The following MGAT4A variants were observed in gnomAD, a reference collection of about 807,000 sequenced individuals.
MGAT4A encodes N-acetylglucosaminyltransferase IVa.
A neutral mutation model predicts 74.1 loss-of-function variants in MGAT4A; 33 were observed. The observed-to-expected ratio is 0.45, with a 90% CI of 0.34 to 0.60. MGAT4A has a LOEUF of 0.60. Ranked by LOEUF, MGAT4A falls within the 20% of genes least tolerant of loss-of-function variation. MGAT4A has a pLI of 0.02. For synonymous variants in MGAT4A, 198 were observed against 210.4 expected, an observed-to-expected ratio of 0.94 and a Z score of 0.51; for missense variants, 479 against 628.3, an observed-to-expected ratio of 0.76 and a Z score of 2.54.
At chr2:98,710,621 G>T (rs1482395021) in intron 2 of MGAT4A, among the ~76,000 whole-genome samples, 1 of 152,036 alleles carries the variant, frequency 6.6e-6, no homozygotes. Flanking sequence ...CACCATGCCT[G>T]GCTAATTTTT....
chr2:98,672,116 G>C (rs1252459406), intron 4 of MGAT4A, among the ~76,000 whole-genome samples: 1 of 152,030 alleles, frequency 6.6e-6, no homozygotes, highest in Non-Finnish European at 1.5e-5. Flanking sequence ...AACAGCAATA[G>C]AACACCAACA....
rs186546603 is a variant in MGAT4A at position 98,663,545 on chromosome 2, G to A, written c.404-366C>T. ...CTCGACTTCAAGCATGTGACATGCCGAGAAGAGCACAACATCAGTTCTGTG... is the reference window on the plus strand; with the variant it reads ...CTCGACTTCAAGCATGTGACATGCCAAGAAGAGCACAACATCAGTTCTGTG... On this transcript the variant is annotated intron_variant, in intron 4 of 15. Coordinates refer to ENST00000393487, the MANE Select transcript of MGAT4A (RefSeq NM_012214.3). 2.2e-4 allele frequency: 246 copies of A among 1,106,576 alleles called. No homozygotes were observed. The East Asian group carries it at 6.7e-3, about 30-fold the overall frequency. 68.5% of individuals were successfully genotyped at this position (1,106,576 alleles called of 1,614,324 possible).
intron 8 of MGAT4A, among the ~76,000 whole-genome samples, chr2:98,648,555 T>C (rs909007660): frequency 7.7e-6 from 1 of 129,132 alleles, no homozygotes; most frequent in African/African-American, 2.9e-5. Flanking sequence ...TTACAAAAAG[T>C]AAAAAAAAAA....
intron 2 of MGAT4A, among the ~76,000 whole-genome samples, chr2:98,699,285 T>TAAGGAAA (rs1212521987): frequency 6.6e-6 from 1 of 152,156 alleles, no homozygotes; most frequent in Non-Finnish European, 1.5e-5. Flanking sequence ...CAGACTCCAA[T>TAAGGAAA]AAGGAAACCA....
At chr2:98,712,499 ATGT>A (rs774325340) in intron 2 of MGAT4A, among the ~76,000 whole-genome samples, 5 of 152,222 alleles carry the variant, frequency 3.3e-5, no homozygotes, top group Non-Finnish European at 7.3e-5. Context: ...AAATGCTGAA[ATGT>A]TGTACTTCTG....
chr2:98,673,668 G>T (rs927063717), intron 4 of MGAT4A, among the ~76,000 whole-genome samples: 1 of 152,110 alleles, frequency 6.6e-6, no homozygotes, highest in Non-Finnish European at 1.5e-5. Context: ...TCAAAAGAAA[G>T]AGAATGTCAC....
At chr2:98,647,842 C>T (rs555650538) in intron 8 of MGAT4A, among the ~76,000 whole-genome samples, 1 of 152,328 alleles carries the variant, frequency 6.6e-6, no homozygotes, top group East Asian at 1.9e-4. Flanking sequence ...CAAAGTAACC[C>T]CTGACTCTAC....
At chr2:98,708,616 A>G (rs1702473774) in intron 2 of MGAT4A, among the ~76,000 whole-genome samples, 1 of 152,348 alleles carries the variant, frequency 6.6e-6, no homozygotes, top group Middle Eastern at 3.4e-3. Context: ...AGCAACCAGT[A>G]ATGTAGATGC....
intron 2 of MGAT4A, among the ~76,000 whole-genome samples, chr2:98,720,697 G>T (rs890261143): frequency 6.6e-6 from 1 of 151,932 alleles, no homozygotes; most frequent in African/African-American, 2.4e-5. Context: ...GAATAGATTT[G>T]TACACAATGG....
At chr2:98,678,976 G>T (rs2104290461) in intron 2 of MGAT4A, among the ~76,000 whole-genome samples, 1 of 152,240 alleles carries the variant, frequency 6.6e-6, no homozygotes, top group Non-Finnish European at 1.5e-5. Flanking sequence ...AGTCCTCAAA[G>T]ATTTCCCTAG....
chr2:98,717,708 T>C (rs1270799557), intron 2 of MGAT4A, among the ~76,000 whole-genome samples: 18 of 152,242 alleles, frequency 1.2e-4, no homozygotes, highest in Non-Finnish European at 1.5e-5. Flanking sequence ...CATTTACTGC[T>C]GTTCAACTTA....
intron 9 of MGAT4A, among the ~76,000 whole-genome samples, chr2:98,644,666 T>G (rs1701459331): frequency 1.3e-5 from 2 of 151,764 alleles, no homozygotes; most frequent in South Asian, 4.1e-4. Context: ...TGAGTCTCAC[T>G]CTCGTCCCCA....
Position 98,663,192 on chromosome 2 carries a change from AT to A in MGAT4A, c.404-14del. 1 of 1,563,960 alleles carries A rather than the reference AT, an allele frequency of 6.4e-7. No homozygotes were observed. Among genetic ancestry groups the A allele is most frequent in the Non-Finnish European group, 8.6e-7 (1 of 1,157,048 alleles). ...ATGACTATTGAAACTGGAAAAAAAA[AT>A]AGTAATTATATTAAAAAACTGTACA... On this transcript the variant is annotated splice_polypyrimidine_tract_variant and intron_variant, in intron 4 of 15. Coordinates refer to ENST00000393487, the MANE Select transcript of MGAT4A (RefSeq NM_012214.3).
At position 98,639,907 on chromosome 2, in the gene MGAT4A, A is replaced by C; in HGVS notation, c.1223T>G (p.Leu408Arg). 6.2e-7 allele frequency: 1 copy of C among 1,614,186 alleles called. No homozygotes were observed. Among genetic ancestry groups the C allele is most frequent in the Non-Finnish European group, 8.5e-7 (1 of 1,180,008 alleles). ...ATCCTCTCCCATGTAAGTTTTCTCC[A>C]GCGTATGCCCTTGGTAGACCTTCAA... ...TSLKVYQGHT[L>R]EKTYMGEDFF... The change falls in exon 12 of 16, where the codon CTG (leucine) becomes CGG (arginine). Residue 408 changes from leucine (L) to arginine (R), a missense_variant. Leu to Arg is a moderately radical substitution (Grantham distance 102). Transcript: ENST00000393487.
Position 98,656,390 on chromosome 2 carries a change from G to T in MGAT4A, c.660C>A (p.Asn220Lys). The T allele has an allele frequency of 6.2e-7, 1 of 1,611,546 alleles. No individual in the cohort carries two copies. Among genetic ancestry groups the T allele is most frequent in the Middle Eastern group, 1.7e-4 (1 of 6,054 alleles). Residue 220 changes from asparagine to lysine, a missense_variant, in exon 7 of 16, where the codon AAC becomes AAA. By Grantham distance (94) the Asn-to-Lys change is moderately conservative. This residue lies in a region of MGAT4A where 38 missense variants were observed against 87.4 expected (regional missense o/e 0.43). Coordinates refer to ENST00000393487, the MANE Select transcript of MGAT4A (RefSeq NM_012214.3). The stretch of plus-strand genomic sequence containing the variant: ...TGGAGTCTCCAAATGTCTCCTTTAG[G>T]TTTGTCAAGTCAGGATAATAGCTTT... ...PPESYYPDLT[N>K]LKETFGDSKE...
intron 2 of MGAT4A, among the ~76,000 whole-genome samples, chr2:98,699,928 C>T (rs561782705): frequency 3.3e-5 from 5 of 152,128 alleles, no homozygotes; most frequent in South Asian, 2.1e-4. Context: ...CATGGCCCAC[C>T]ACATCTCTTG....
intron 2 of MGAT4A, among the ~76,000 whole-genome samples, chr2:98,679,401 G>A (rs1324923936): frequency 1.1e-4 from 11 of 99,078 alleles, no homozygotes; most frequent in Non-Finnish European, 1.9e-4. Context: ...GCAAGACTCC[G>A]TCTCAAAAAA....
At chr2:98,661,810 T>C (rs1355226029) in intron 5 of MGAT4A, among the ~76,000 whole-genome samples, 2 of 152,244 alleles carry the variant, frequency 1.3e-5, no homozygotes, top group Non-Finnish European at 2.9e-5. Context: ...ACCTCGATTA[T>C]GGCAACAGCT....
At chr2:98,658,132 T>C in intron 6 of MGAT4A, 86 bp downstream of exon 6, 4 of 835,928 alleles carry the variant, frequency 4.8e-6, no homozygotes, top group South Asian at 3.1e-5. Flanking sequence ...AAATGAACTA[T>C]CAAGGAAGGC....
Sources: gnomAD v4.1 joint callset for allele counts (sites outside exome capture counted in the v4.1 genomes callset) on GRCh38, gnomAD v4.1.1 for gene constraint, gnomAD v4.1.1 regional missense constraint, MANE v1.5 for transcripts, NCBI Gene and HGNC (gene_info 2026-07-23, HGNC 2026-07-21) for gene names.